Variants in UTRN observed in about 807,000 individuals in gnomAD.
UTRN encodes the protein utrophin.
In UTRN, 283 loss-of-function variants were observed where a neutral mutation model predicts 463.9. The ratio of observed to expected loss-of-function variants is 0.61; its 90% CI spans 0.55 to 0.67. The LOEUF (loss-of-function observed/expected upper bound fraction) is 0.67, where lower values mean the gene tolerates loss of function less well. UTRN is among the 30% of genes least tolerant of loss of function. The probability of loss-of-function intolerance (pLI) is 0.00; values close to 1 mark genes in which losing one functional copy is unlikely to be tolerated. For missense variants in UTRN, 3,922 were observed against 4,084.3 expected (o/e 0.96, Z 1.08); for synonymous variants, 1,442 against 1,431.5 (o/e 1.01, Z -0.17).
intron 55 of UTRN, among the ~76,000 whole-genome samples, chr6:144,750,248 G>T (rs1791236360): frequency 7.0e-6 from 1 of 143,102 alleles, no homozygotes; most frequent in Non-Finnish European, 1.5e-5. Flanking sequence ...CCATACAACT[G>T]CTCTTCTTAT....
At chr6:144,712,203 C>A (rs959793025) in intron 53 of UTRN, among the ~76,000 whole-genome samples, 1 of 152,182 alleles carries the variant, frequency 6.6e-6, no homozygotes, top group African/African-American at 2.4e-5. Context: ...CTCTTTAAGG[C>A]CCATTAGTCA....
intron 1 of UTRN, among the ~76,000 whole-genome samples, chr6:144,291,128 C>A (rs914301279): frequency 4.3e-4 from 66 of 152,236 alleles, no homozygotes; most frequent in African/African-American, 1.6e-3. Context: ...TCCTTCGAAC[C>A]ATCTACTGGC....
intron 74 of UTRN, among the ~76,000 whole-genome samples, chr6:144,848,051 A>G (rs1782170102): frequency 6.6e-6 from 1 of 152,154 alleles, no homozygotes; most frequent in African/African-American, 2.4e-5. Context: ...GGGTATGTGA[A>G]GTAGGCTAGG....
intron 3 of UTRN, among the ~76,000 whole-genome samples, chr6:144,416,495 G>A (rs1045241294): frequency 2.0e-5 from 3 of 152,040 alleles, no homozygotes; most frequent in African/African-American, 4.8e-5. Flanking sequence ...CTTGCTCCCC[G>A]CTAGACCCCC....
intron 50 of UTRN, among the ~76,000 whole-genome samples, chr6:144,559,860 T>A (rs1799709721): frequency 6.6e-6 from 1 of 152,154 alleles, no homozygotes; most frequent in South Asian, 2.1e-4. Context: ...ATTCTCAGGC[T>A]CAGAGAAGTT....
At chr6:144,376,194 C>T (rs1284696837) in intron 2 of UTRN, among the ~76,000 whole-genome samples, 6 of 152,196 alleles carry the variant, frequency 3.9e-5, no homozygotes, top group East Asian at 1.9e-4. Flanking sequence ...GGGTGGCTCA[C>T]GCCTGTAATC....
At chr6:144,342,573 A>G (rs1777226619) in intron 2 of UTRN, among the ~76,000 whole-genome samples, 1 of 152,188 alleles carries the variant, frequency 6.6e-6, no homozygotes, top group Non-Finnish European at 1.5e-5. Flanking sequence ...ATAATACAAC[A>G]TGCATGGACT....
Position 144,688,478 on chromosome 6 carries a change from C to T in UTRN, c.7652+9900C>T, listed in dbSNP as rs374648041. On this transcript the variant is annotated intron_variant, in intron 52 of 74. Coordinates refer to ENST00000367545, the MANE Select transcript of UTRN (RefSeq NM_007124.3). ...ATTGCCAGAATTATTTTTCTGGCTC[C>T]TTCTCATTGCAGAAAACTATTTATT... Among the ~76,000 whole-genome samples, 9 of 152,106 alleles carry T rather than the reference C, an allele frequency of 5.9e-5. No individual in the cohort carries two copies. The East Asian group carries it at 1.7e-3, about 29-fold the overall frequency.
chr6:144,530,854 T>G lies in UTRN; in HGVS notation c.5907-198T>G, dbSNP rs9399478. ...GTGTGAGCAGATTGCTTTGCCCTTGTTATGATGCATATATCTCTAGGAGGA... is the reference window on the plus strand; with the variant it reads ...GTGTGAGCAGATTGCTTTGCCCTTGGTATGATGCATATATCTCTAGGAGGA... On this transcript the variant is annotated intron_variant, in intron 41 of 74. Transcript: ENST00000367545. 0.51 allele frequency among the ~76,000 whole-genome samples: 76,840 copies of G among 151,954 alleles called. 20,333 individuals carry two copies. Among genetic ancestry groups the G allele is most frequent in the East Asian group, 0.79 (4,098 of 5,170 alleles).
At chr6:144,311,274 C>A (rs1172955910) in intron 2 of UTRN, among the ~76,000 whole-genome samples, 1 of 152,164 alleles carries the variant, frequency 6.6e-6, no homozygotes, top group Non-Finnish European at 1.5e-5. Flanking sequence ...AGTGGAGGCT[C>A]ATTTTAGGAA....
chr6:144,300,094 T>C (rs975150069), intron 2 of UTRN, among the ~76,000 whole-genome samples: 1 of 151,982 alleles, frequency 6.6e-6, no homozygotes, highest in African/African-American at 2.4e-5. Flanking sequence ...TGATTTTTTT[T>C]TTTTTTTGAG....
chr6:144,596,456 A>G (rs1415727251), intron 51 of UTRN, among the ~76,000 whole-genome samples: 1 of 152,216 alleles, frequency 6.6e-6, no homozygotes, highest in Non-Finnish European at 1.5e-5. Flanking sequence ...ACAGAAGCTT[A>G]AAAGAGTTAA....
intron 17 of UTRN, 141 bp from the exon 18 acceptor site, chr6:144,451,229 G>T: frequency 2.6e-6 from 2 of 758,614 alleles, no homozygotes; most frequent in African/African-American, 1.8e-5. Flanking sequence ...ATTTTGCATG[G>T]TTACCCTATT....
At chr6:144,551,210 T>G (rs1798885306) in intron 48 of UTRN, 128 bp downstream of exon 48, 1 of 593,266 alleles carries the variant, frequency 1.7e-6, no homozygotes, top group Admixed American at 3.6e-5. Flanking sequence ...AGTAATAGTG[T>G]TTAATATTTG....
At chr6:144,707,341 T>C (rs909598946) in intron 53 of UTRN, among the ~76,000 whole-genome samples, 1 of 152,106 alleles carries the variant, frequency 6.6e-6, no homozygotes, top group Non-Finnish European at 1.5e-5. Context: ...TGGGTAACAA[T>C]GGAGATTGAG....
chr6:144,372,708 G>A (rs1405131933), intron 2 of UTRN, among the ~76,000 whole-genome samples: 1 of 151,972 alleles, frequency 6.6e-6, no homozygotes, highest in East Asian at 1.9e-4. Context: ...TCAGCATGTT[G>A]GCCCGGCTGG....
In UTRN at chr6:144,751,945, T is replaced by G; in HGVS notation, c.8348T>G (p.Leu2783Arg). ...QLDDLNMRWK[L>R]LQVSVDDRLK... ...GATGACCTTAATATGCGATGGAAACTTTTACAGGTATCAGCTTATTCCCCT... is the reference window on the plus strand; with the variant it reads ...GATGACCTTAATATGCGATGGAAACGTTTACAGGTATCAGCTTATTCCCCT... The change falls in exon 56 of 75, where the codon CTT (leucine) becomes CGT (arginine). Residue 2783 changes from leucine to arginine, a missense_variant. Around this residue, in one of 3 missense-constraint regions of UTRN, gnomAD observed 1,309 missense variants for 1,452.6 expected, o/e 0.90. Transcript: ENST00000367545. 1 of 1,607,760 alleles carries G rather than the reference T, an allele frequency of 6.2e-7. No individual in the cohort carries two copies. The highest frequency in any genetic ancestry group is 8.5e-7 in the Non-Finnish European group (1 of 1,177,500).
Position 144,527,322 on chromosome 6 carries a change from C to G in UTRN, c.5907-3730C>G, listed in dbSNP as rs117043393. Among the ~76,000 whole-genome samples the G allele has an allele frequency of 2.5e-3, 380 of 152,280 alleles. 13 individuals are homozygous for G. The East Asian group carries it at 0.059, about 24-fold the overall frequency. On this transcript the variant is annotated intron_variant, in intron 41 of 74. Coordinates refer to ENST00000367545, the MANE Select transcript of UTRN (RefSeq NM_007124.3). ...TTGTTTAAGGAGGCTGAAGATAGGA[C>G]CCCAATCTCTTCTAGCTTATAAGGT...
intron 51 of UTRN, among the ~76,000 whole-genome samples, chr6:144,665,513 G>C (rs915897316): frequency 3.3e-5 from 5 of 152,194 alleles, no homozygotes; most frequent in Admixed American, 3.3e-4. Context: ...AGTGTTTACA[G>C]TTATATCTCT....
Sources: gnomAD v4.1 joint callset for allele counts (sites outside exome capture counted in the v4.1 genomes callset) on GRCh38, gnomAD v4.1.1 for gene constraint, gnomAD v4.1.1 regional missense constraint, MANE v1.5 for transcripts, NCBI Gene and HGNC (gene_info 2026-07-23, HGNC 2026-07-21) for gene names.